Variants in KALRN observed in about 807,000 individuals in gnomAD.
KALRN encodes kalirin RhoGEF kinase.
KALRN carries 70 observed loss-of-function variants against 353.7 expected under a neutral mutation model. That is an observed-to-expected ratio of 0.20 (90% confidence interval 0.16 to 0.24). The LOEUF is 0.24. Among genes scored for constraint, KALRN ranks in the 10% least tolerant of loss-of-function variants. The probability of loss-of-function intolerance (pLI) is 1.00; values close to 1 mark genes in which losing one functional copy is unlikely to be tolerated. For missense variants in KALRN, 2,791 were observed against 3,756.7 expected, an observed-to-expected ratio of 0.74 and a Z score of 6.72; for synonymous variants, 1,391 against 1,434.8, an observed-to-expected ratio of 0.97 and a Z score of 0.69.
intron 58 of KALRN, among the ~76,000 whole-genome samples, chr3:124,714,665 C>T (rs3863064): frequency 0.084 from 12,789 of 152,044 alleles, 909 homozygotes; most frequent in East Asian, 0.32. Context: ...GGGCCAGGGT[C>T]GGGGGAACAA....
chr3:124,437,866 G>A (rs1287917887), intron 17 of KALRN, among the ~76,000 whole-genome samples: 1 of 151,994 alleles, frequency 6.6e-6, no homozygotes, highest in Non-Finnish European at 1.5e-5. Flanking sequence ...TATCCATGGG[G>A]TATTTGTTCC....
chr3:124,698,559 G>C (rs1162673577), intron 55 of KALRN, among the ~76,000 whole-genome samples: 1 of 152,170 alleles, frequency 6.6e-6, no homozygotes, highest in Non-Finnish European at 1.5e-5. Context: ...AGACAGGGAT[G>C]ATCAATCCCA....
intron 7 of KALRN, 32 bp from the exon 8 acceptor site, chr3:124,329,828 TC>T: frequency 6.2e-7 from 1 of 1,604,172 alleles, no homozygotes; most frequent in Non-Finnish European, 8.5e-7. Context: ...CCCCCAGTGC[TC>T]CCCCACTGAT....
At chr3:124,072,339 C>T (rs1264405945) in intron 1 of KALRN, among the ~76,000 whole-genome samples, 7 of 152,230 alleles carry the variant, frequency 4.6e-5, no homozygotes, top group Non-Finnish European at 1.0e-4. Context: ...CTGTCTCCCT[C>T]TTTCCAACCA....
At chr3:124,269,309 T>C in intron 5 of KALRN, 54 bp downstream of exon 5, 1 of 1,508,996 alleles carries the variant, frequency 6.6e-7, no homozygotes, top group Non-Finnish European at 8.9e-7. Context: ...GGAGCAGAGG[T>C]TGCTCATCCA....
intron 13 of KALRN, 54 bp downstream of exon 13, chr3:124,398,925 C>A: frequency 6.5e-7 from 1 of 1,534,906 alleles, no homozygotes; most frequent in Non-Finnish European, 8.8e-7. Flanking sequence ...GCTTCCTGGC[C>A]AAGGGCACTG....
intron 39 of KALRN, among the ~76,000 whole-genome samples, 156 bp from the exon 40 acceptor site, chr3:124,657,292 G>C (rs2084179117): frequency 6.7e-6 from 1 of 150,064 alleles, no homozygotes; most frequent in African/African-American, 2.5e-5. Flanking sequence ...CTGCACCAGG[G>C]GTTAAAGACC....
intron 28 of KALRN, among the ~76,000 whole-genome samples, chr3:124,485,233 A>G (rs1278858185): frequency 6.6e-6 from 1 of 152,236 alleles, no homozygotes; most frequent in African/African-American, 2.4e-5. Context: ...TGTGAATTTA[A>G]AAAGGAAAAA....
chr3:124,619,218 G>T (rs1426116224), intron 34 of KALRN, among the ~76,000 whole-genome samples: 2 of 151,502 alleles, frequency 1.3e-5, no homozygotes, highest in Admixed American at 1.3e-4. Context: ...TGCCTTCCAG[G>T]TTCATCCAAG....
chr3:124,491,825 T>C (rs1486822017), intron 31 of KALRN: 2 of 155,306 alleles, frequency 1.3e-5, no homozygotes, highest in African/African-American at 4.8e-5. Flanking sequence ...GTGTAAAAGG[T>C]ATAGTGCCTA....
intron 3 of KALRN, among the ~76,000 whole-genome samples, chr3:124,243,206 T>C (rs2080714318): frequency 6.6e-6 from 1 of 152,214 alleles, no homozygotes; most frequent in South Asian, 2.1e-4. Context: ...TTCATTTCCA[T>C]GGCCATGCCA....
At chr3:124,075,806 A>C (rs1304385019) in intron 1 of KALRN, among the ~76,000 whole-genome samples, 1 of 152,224 alleles carries the variant, frequency 6.6e-6, no homozygotes, top group East Asian at 1.9e-4. Flanking sequence ...CAGGAGCAGC[A>C]CAAGCTGTAG....
chr3:124,281,707 A>T (rs375476852), intron 5 of KALRN, among the ~76,000 whole-genome samples: 2 of 152,120 alleles, frequency 1.3e-5, no homozygotes, highest in Non-Finnish European at 2.9e-5. Flanking sequence ...TCCCTGTTCC[A>T]TGCCATCTAG....
intron 34 of KALRN, among the ~76,000 whole-genome samples, chr3:124,629,372 CAGT>C (rs1326165170): frequency 1.3e-5 from 2 of 151,752 alleles, no homozygotes; most frequent in East Asian, 1.9e-4. Flanking sequence ...AAAAACAAAG[CAGT>C]AACAACAACA....
chr3:124,662,397 A>G (rs761919391), intron 45 of KALRN, among the ~76,000 whole-genome samples: 2 of 151,804 alleles, frequency 1.3e-5, no homozygotes, highest in Non-Finnish European at 2.9e-5. Context: ...TATTATAAAG[A>G]TGGGGTTTTG....
chr3:124,117,560 C>T (rs1306296816), intron 1 of KALRN, among the ~76,000 whole-genome samples: 2 of 152,018 alleles, frequency 1.3e-5, no homozygotes, highest in African/African-American at 2.4e-5. Flanking sequence ...TTTATAGGTG[C>T]TAAAATAATG....
chr3:124,285,596 C>T (rs967663997), intron 5 of KALRN, among the ~76,000 whole-genome samples: 5 of 152,172 alleles, frequency 3.3e-5, no homozygotes, highest in Non-Finnish European at 7.3e-5. Flanking sequence ...AGTGCAGTGG[C>T]ATGATCCCAG....
chr3:124,207,241 C>G (rs369984429), intron 1 of KALRN, among the ~76,000 whole-genome samples: 5 of 152,308 alleles, frequency 3.3e-5, no homozygotes, highest in African/African-American at 1.2e-4. Context: ...CAGTGACTAG[C>G]GGCACATAGA....
chr3:124,535,395 A>G (rs1261448306), intron 33 of KALRN, among the ~76,000 whole-genome samples: 2 of 152,148 alleles, frequency 1.3e-5, no homozygotes, highest in African/African-American at 2.4e-5. Flanking sequence ...CTCTGCTTAT[A>G]CCAGCTATAC....
Sources: gnomAD v4.1 joint callset for allele counts (sites outside exome capture counted in the v4.1 genomes callset) on GRCh38, gnomAD v4.1.1 for gene constraint, MANE v1.5 for transcripts, NCBI Gene and HGNC (gene_info 2026-07-23, HGNC 2026-07-21) for gene names.